Variants in ZNF43 observed in about 807,000 individuals in gnomAD.
ZNF43 encodes zinc finger protein 39-like 1 (KOX 27).
A neutral mutation model predicts 68.4 loss-of-function variants in ZNF43; 44 were observed. That is an observed-to-expected ratio of 0.64 (90% CI 0.51 to 0.83). The LOEUF (loss-of-function observed/expected upper bound fraction) is 0.83. Ranked by LOEUF, ZNF43 falls within the 40% of genes least tolerant of loss-of-function variation. The pLI, the probability that ZNF43 is intolerant of heterozygous loss-of-function variation, is 0.00. For synonymous variants in ZNF43, 308 were observed against 307.8 expected, an observed-to-expected ratio of 1.00 and a Z score of -0.01; for missense variants, 896 against 933.2, an observed-to-expected ratio of 0.96 and a Z score of 0.52.
At chr19:21,813,022 C>T (rs537219363) in intron 3 of ZNF43, among the ~76,000 whole-genome samples, 9 of 151,638 alleles carry the variant, frequency 5.9e-5, no homozygotes, top group Non-Finnish European at 8.8e-5. Flanking sequence ...GTGGGCAGAT[C>T]GCCTGAGGTC....
Position 21,808,034 on chromosome 19 carries a change from T to A in ZNF43, c.2003A>T (p.His668Leu), listed in dbSNP as rs777710370. Residue 668 changes from histidine to leucine, a missense_variant, in exon 4 of 4, where the codon CAT (histidine) becomes CTT (leucine). Transcript: ENST00000354959. ...TTTCTCTCCAGTATGAATTATCTTA[T>A]GTTTAGTAAGGGTTGAGGACCACTT... ...AFKWSSTLTK[H>L]KIIHTGEKPY... is the part of the protein sequence containing the mutation. 7.4e-6 allele frequency: 12 copies of A among 1,612,968 alleles called. No individual in the cohort carries two copies. The highest frequency in any genetic ancestry group is 7.6e-6 in the Non-Finnish European group (9 of 1,179,922).
rs1473408585 is a variant in ZNF43 at position 21,809,144 on chromosome 19, G to T, written c.893C>A (p.Ser298Tyr). Residue 298 changes from serine to tyrosine, a missense_variant, in exon 4 of 4, where the codon TCC becomes TAC. Coordinates refer to ENST00000354959, the MANE Select transcript of ZNF43 (RefSeq NM_003423.4). ...CKECAKAFNQ[S>Y]SNLTEHKKIH... is the part of the protein sequence containing the mutation. ...TTTCTTATGTTCAGTAAGGTTTGAG[G>T]ATTGGTTAAAAGCTTTGGCACATTC... The T allele has an allele frequency of 6.2e-7, 1 of 1,613,390 alleles. No individual in the cohort carries two copies. Among genetic ancestry groups the T allele is most frequent in the Non-Finnish European group, 8.5e-7 (1 of 1,179,832 alleles).
At chr19:21,829,945 A>C (rs956430193) in intron 1 of ZNF43, among the ~76,000 whole-genome samples, 1 of 152,134 alleles carries the variant, frequency 6.6e-6, no homozygotes, top group Non-Finnish European at 1.5e-5. Context: ...AGAGTTAGAC[A>C]AAAAAATGAT....
In ZNF43 at chr19:21,852,028, G is replaced by C. The variant is rs916940483; in HGVS notation, c.-94C>G. ...TTCCCGAGTTGGAGAACGCGGAAAA[G>C]CAGAGGCGGGTCCCAAGGTCTAGCG... On this transcript the variant is annotated 5_prime_UTR_variant, in exon 1 of 4. Transcript: ENST00000357491. 9.3e-6 allele frequency: 13 copies of C among 1,392,944 alleles called. No homozygotes were observed. In the Admixed American group the frequency reaches 1.3e-4, roughly 14 times the overall value. 86.3% of individuals were successfully genotyped at this position (1,392,944 alleles called of 1,614,324 possible).
At chr19:21,851,276 C>T (rs1968335260) in intron 1 of ZNF43, 1 of 152,224 alleles carries the variant, frequency 6.6e-6, no homozygotes, top group South Asian at 2.1e-4. Context: ...CCTGTAATCC[C>T]AGGACTTTTG....
chr19:21,807,728 G>A lies in ZNF43; in HGVS notation c.2309C>T (p.Ala770Val). Residue 770 changes from alanine to valine, a missense_variant, in exon 4 of 4, where the codon GCT (alanine) becomes GTT (valine). By Grantham distance (64) the Ala-to-Val change is moderately conservative. Transcript: ENST00000354959. ...AGTAAGGTTTGAATATTGGTTGAAAGCTTTGCCACATTCTTTACATTTGTA... is the reference window on the plus strand; with the variant it reads ...AGTAAGGTTTGAATATTGGTTGAAAACTTTGCCACATTCTTTACATTTGTA... Reference protein sequence around the residue: ...QPYKCKECGKAFNQYSNLTTH... With the variant: ...QPYKCKECGKVFNQYSNLTTH... The A allele has an allele frequency of 1.2e-6, 2 of 1,613,608 alleles. No individual in the cohort carries two copies. The highest frequency in any genetic ancestry group is 1.7e-6 in the Non-Finnish European group (2 of 1,179,776).
At position 21,807,422 on chromosome 19, in the gene ZNF43, C is replaced by G. The variant is rs1449400865; in HGVS notation, c.*185G>C. The G allele has an allele frequency of 3.6e-6, 2 of 549,624 alleles. No individual in the cohort carries two copies. The highest frequency in any genetic ancestry group is 3.6e-5 in the Admixed American group (1 of 27,510). 34.0% of individuals were successfully genotyped at this position (549,624 alleles called of 1,614,324 possible). On this transcript the variant is annotated 3_prime_UTR_variant, in exon 4 of 4. Coordinates refer to ENST00000354959, the MANE Select transcript of ZNF43 (RefSeq NM_003423.4). ...TTTTCCACATTCTTTGTGTATATAC[C>G]TTTTTCCAAGTAAAAATTCTTTCCT... is the stretch of plus-strand genomic sequence containing the variant.
intron 3 of ZNF43, among the ~76,000 whole-genome samples, chr19:21,812,942 T>C (rs867720375): frequency 7.6e-6 from 1 of 131,396 alleles, no homozygotes; most frequent in Non-Finnish European, 1.6e-5. Flanking sequence ...CAAAAAAAAA[T>C]AATAATAAAA....
intron 3 of ZNF43, 30 bp downstream of exon 3, chr19:21,817,858 T>A: frequency 6.3e-7 from 1 of 1,592,900 alleles, no homozygotes; most frequent in African/African-American, 1.3e-5. Context: ...CTCATCTGTG[T>A]TTGTTGTATT....
At chr19:21,830,000 G>A (rs150379436) in intron 1 of ZNF43, among the ~76,000 whole-genome samples, 4 of 152,008 alleles carry the variant, frequency 2.6e-5, no homozygotes, top group East Asian at 1.9e-4. Context: ...CCCTGTAATC[G>A]CAGCATTTTG....
intron 1 of ZNF43, among the ~76,000 whole-genome samples, chr19:21,833,082 T>TA (rs1166990536): frequency 1.3e-5 from 2 of 152,152 alleles, no homozygotes; most frequent in Admixed American, 6.5e-5. Flanking sequence ...CGTTTTCTTA[T>TA]AAAAATGTAT....
Position 21,810,739 on chromosome 19 carries a change from CA to C in ZNF43, c.230-933del, listed in dbSNP as rs202192450. 9.4e-3 allele frequency among the ~76,000 whole-genome samples: 1,426 copies of C among 152,236 alleles called. 20 individuals carry two copies. Among genetic ancestry groups the C allele is most frequent in the African/African-American group, 0.032 (1,337 of 41,544 alleles). ...AAAGTAGGAGGATCACTTGGGGCCACAAGTTTGAGACCAGCCAGGGCAACAT... is the reference window on the plus strand; with the variant it reads ...AAAGTAGGAGGATCACTTGGGGCCACAGTTTGAGACCAGCCAGGGCAACAT... On this transcript the variant is annotated intron_variant, in intron 3 of 3. Transcript: ENST00000354959.
chr19:21,842,486 T>C (rs1447383313), intron 1 of ZNF43, among the ~76,000 whole-genome samples: 1 of 149,626 alleles, frequency 6.7e-6, no homozygotes, highest in Admixed American at 6.7e-5. Context: ...GAGGGTCACA[T>C]CACCTTGTTA....
rs529997092 is a variant in ZNF43, at chr19:21,828,937, C to T, written c.3+7099G>A. Among the ~76,000 whole-genome samples, 6 of 141,590 alleles carry T rather than the reference C, an allele frequency of 4.2e-5. No homozygotes were observed. In the South Asian group the frequency reaches 1.3e-3, roughly 32 times the overall value. The allele number at this position is 141,590 out of a possible 152,430, so 92.9% of individuals were successfully genotyped here. A position where few individuals can be genotyped will look rare whatever the true frequency, so the allele number is the denominator to read the frequency against. On this transcript the variant is annotated intron_variant, in intron 1 of 3. Coordinates refer to ENST00000354959, the MANE Select transcript of ZNF43 (RefSeq NM_003423.4). ...ACTCCCAGCTACTTGGGAGGCTGAGCCAGGAGAATGGCGTGAACCAGGGAG... is the reference window on the plus strand; with the variant it reads ...ACTCCCAGCTACTTGGGAGGCTGAGTCAGGAGAATGGCGTGAACCAGGGAG...
intron 1 of ZNF43, among the ~76,000 whole-genome samples, chr19:21,833,561 C>T (rs2038530743): frequency 6.6e-6 from 1 of 151,840 alleles, no homozygotes; most frequent in South Asian, 2.1e-4. Context: ...TGAGCCACTA[C>T]ACCCAGGCTG....
chr19:21,834,043 A>T (rs1031895156), intron 1 of ZNF43, among the ~76,000 whole-genome samples: 1 of 147,364 alleles, frequency 6.8e-6, no homozygotes, highest in Non-Finnish European at 1.5e-5. Flanking sequence ...GGGGCGGGGG[A>T]AAAAAAAGAG....
intron 1 of ZNF43, among the ~76,000 whole-genome samples, chr19:21,829,316 TGTAA>T (rs1407804150): frequency 1.3e-5 from 2 of 152,178 alleles, no homozygotes; most frequent in Non-Finnish European, 2.9e-5. Flanking sequence ...GCTTTTGCAG[TGTAA>T]GTACTTCAGC....
intron 3 of ZNF43, among the ~76,000 whole-genome samples, chr19:21,814,668 A>G (rs1408359880): frequency 2.6e-5 from 4 of 152,014 alleles, no homozygotes; most frequent in Non-Finnish European, 4.4e-5. Context: ...TCAGCCTCTC[A>G]AAGTGCTGGG....
chr19:21,836,800 C>T (rs184994811), upstream of ZNF43, among the ~76,000 whole-genome samples: 1 of 152,184 alleles, frequency 6.6e-6, no homozygotes, highest in East Asian at 1.9e-4. Flanking sequence ...CTAGATAGCC[C>T]AGAATGGTCT....
Sources: gnomAD v4.1 joint callset for allele counts (sites outside exome capture counted in the v4.1 genomes callset) on GRCh38, gnomAD v4.1.1 for gene constraint, MANE v1.5 for transcripts, NCBI Gene and HGNC (gene_info 2026-07-23, HGNC 2026-07-21) for gene names.